The following SIRT5 variants were observed in gnomAD, a reference collection of about 807,000 sequenced individuals.
SIRT5 encodes the protein sirtuin 5.
A neutral mutation model predicts 40.0 loss-of-function variants in SIRT5; 26 were observed. The observed-to-expected ratio is 0.65, with a 90% confidence interval of 0.48 to 0.90. The LOEUF (loss-of-function observed/expected upper bound fraction) is 0.90, where lower values mean the gene tolerates loss of function less well. Among genes scored for constraint, SIRT5 ranks in the 40% least tolerant of loss-of-function variants. The probability of loss-of-function intolerance (pLI) is 0.00; values close to 1 mark genes in which losing one functional copy is unlikely to be tolerated. For missense variants in SIRT5, 401 were observed against 402.4 expected (o/e 1.00, Z 0.03); for synonymous variants, 146 against 149.1 (o/e 0.98, Z 0.15).
intron 5 of SIRT5, among the ~76,000 whole-genome samples, chr6:13,592,729 T>C (rs1761090996): frequency 6.6e-6 from 1 of 152,114 alleles, no homozygotes; most frequent in Non-Finnish European, 1.5e-5. Flanking sequence ...ACCCCTTCAC[T>C]CTTGTCTTCT....
chr6:13,608,223 T>C (rs1431366182), intron 9 of SIRT5, among the ~76,000 whole-genome samples: 2 of 152,258 alleles, frequency 1.3e-5, no homozygotes, highest in Non-Finnish European at 2.9e-5. Flanking sequence ...TTCTTTTCTC[T>C]TTGAACTTGT....
At chr6:13,575,851 G>C (rs1758559668) in intron 1 of SIRT5, among the ~76,000 whole-genome samples, 1 of 152,048 alleles carries the variant, frequency 6.6e-6, no homozygotes, top group Admixed American at 6.5e-5. Flanking sequence ...ATTCTACTCT[G>C]CTTCTATGAG....
rs1462793544 is a variant in SIRT5 at position 13,607,541 on chromosome 6, A to G, written c.858-4249A>G. On this transcript the variant is annotated intron_variant, in intron 9 of 9. Coordinates refer to ENST00000606117, the MANE Select transcript of SIRT5 (RefSeq NM_012241.5). This position sits in a 1 kb window ranked among gnomAD's most constrained non-coding sequence, Gnocchi z 4.0. Reference sequence around the variant, plus strand: ...TGCAGCAGGATGATTACATTAACCAATGCAAGTGGCGTGAGCAGATGTGCA... The same window carrying G: ...TGCAGCAGGATGATTACATTAACCAGTGCAAGTGGCGTGAGCAGATGTGCA... Among the ~76,000 whole-genome samples the G allele has an allele frequency of 6.6e-6, 1 of 152,168 alleles. No individual in the cohort carries two copies. Among genetic ancestry groups the G allele is most frequent in the African/African-American group, 2.4e-5 (1 of 41,456 alleles).
At chr6:13,577,997 G>A (rs1419701442) in intron 1 of SIRT5, among the ~76,000 whole-genome samples, 4 of 152,168 alleles carry the variant, frequency 2.6e-5, no homozygotes, top group Non-Finnish European at 5.9e-5. Flanking sequence ...TATACTTATT[G>A]AGAGTTTTTA....
At chr6:13,577,983 C>G (rs1398956228) in intron 1 of SIRT5, among the ~76,000 whole-genome samples, 1 of 152,058 alleles carries the variant, frequency 6.6e-6, no homozygotes, top group Non-Finnish European at 1.5e-5. Context: ...TGTCACAGTA[C>G]TTCTATACTT....
Position 13,595,468 on chromosome 6 carries a change from AT to A in SIRT5, c.476-4del, listed in dbSNP as rs1562272816. The stretch of plus-strand genomic sequence containing the variant: ...TAAATTCTGGATTTGCTTCATATGT[AT>A]TTTTCAGGTAGCTTATTTAAAACTC... On this transcript the variant is annotated splice_polypyrimidine_tract_variant and splice_region_variant and intron_variant, in intron 5 of 9. Transcript: ENST00000606117. 1 of 1,609,670 alleles carries A rather than the reference AT, an allele frequency of 6.2e-7. No individual in the cohort carries two copies. The highest frequency in any genetic ancestry group is 8.5e-7 in the Non-Finnish European group (1 of 1,176,014).
At chr6:13,583,072 G>A (rs1401214764) in intron 2 of SIRT5, among the ~76,000 whole-genome samples, 1 of 152,022 alleles carries the variant, frequency 6.6e-6, no homozygotes, top group Non-Finnish European at 1.5e-5. Context: ...CGGGCATGGT[G>A]GCGCGTGCCT....
chr6:13,576,103 C>G (rs1344458942), intron 1 of SIRT5, among the ~76,000 whole-genome samples: 1 of 152,150 alleles, frequency 6.6e-6, no homozygotes, highest in Non-Finnish European at 1.5e-5. Context: ...GTGAATAATG[C>G]TGAAAACAAC....
At chr6:13,587,528 TAA>T (rs1760239754) in intron 3 of SIRT5, among the ~76,000 whole-genome samples, 1 of 152,206 alleles carries the variant, frequency 6.6e-6, no homozygotes, top group Non-Finnish European at 1.5e-5. Flanking sequence ...GTGATCCACG[TAA>T]AGTGCTTGGC....
At chr6:13,582,479 C>T (rs1190781001) in intron 2 of SIRT5, among the ~76,000 whole-genome samples, 2 of 152,028 alleles carry the variant, frequency 1.3e-5, no homozygotes, top group Non-Finnish European at 2.9e-5. Flanking sequence ...GCTCTATACT[C>T]ATTATTTTTA....
intron 4 of SIRT5, chr6:13,589,467 A>G (rs1298300049): frequency 6.6e-6 from 1 of 152,236 alleles, no homozygotes; most frequent in Non-Finnish European, 1.5e-5. Context: ...TCCAGTTTCC[A>G]GAACTCTGGC....
chr6:13,599,628 A>G (rs980610894), intron 8 of SIRT5, among the ~76,000 whole-genome samples: 1 of 152,216 alleles, frequency 6.6e-6, no homozygotes, highest in African/African-American at 2.4e-5. Flanking sequence ...TTTGGGCCAC[A>G]TTGGGCCTGC....
chr6:13,592,553 G>A (rs1388660908), intron 5 of SIRT5, among the ~76,000 whole-genome samples: 2 of 150,594 alleles, frequency 1.3e-5, no homozygotes, highest in Admixed American at 1.3e-4. Flanking sequence ...CACCAAGCCT[G>A]TGATGTCGGT....
At chr6:13,605,790 T>C in intron 9 of SIRT5, 1 of 985,458 alleles carries the variant, frequency 1.0e-6, no homozygotes, top group Non-Finnish European at 1.2e-6. Context: ...GCTTGTAGGA[T>C]TTGTACATTC....
At chr6:13,589,919 G>T (rs371588261) in intron 4 of SIRT5, among the ~76,000 whole-genome samples, 12 of 152,170 alleles carry the variant, frequency 7.9e-5, no homozygotes, top group African/African-American at 2.2e-4. Context: ...TTCCAGGGAC[G>T]CCTGTGGACA....
At chr6:13,597,423 G>A (rs559121231) in intron 7 of SIRT5, among the ~76,000 whole-genome samples, 8 of 111,176 alleles carry the variant, frequency 7.2e-5, no homozygotes, top group African/African-American at 2.9e-4. Context: ...CAAACAGAAT[G>A]TTCATAGATT....
At chr6:13,602,205 A>G (rs565917741) in intron 9 of SIRT5, among the ~76,000 whole-genome samples, 2 of 152,370 alleles carry the variant, frequency 1.3e-5, no homozygotes, top group African/African-American at 4.8e-5. Context: ...AGTCCCTATC[A>G]AAATCACAAC....
intron 5 of SIRT5, among the ~76,000 whole-genome samples, chr6:13,594,776 C>T (rs906940130): frequency 2.0e-5 from 3 of 152,234 alleles, no homozygotes; most frequent in Non-Finnish European, 2.9e-5. Flanking sequence ...GTGCTCTGCA[C>T]GGCACCAGTT....
At chr6:13,611,201 G>A (rs1167159615) in intron 9 of SIRT5, among the ~76,000 whole-genome samples, 7 of 98,008 alleles carry the variant, frequency 7.1e-5, no homozygotes, top group Admixed American at 2.3e-4. Context: ...TTTTATGTGT[G>A]TGTGTGTATA....
Sources: allele counts gnomAD v4.1 joint callset (sites outside exome capture counted in the v4.1 genomes callset), GRCh38; gene constraint gnomAD v4.1.1; non-coding constraint Gnocchi (gnomAD v3.1); transcripts MANE v1.5; gene names NCBI Gene and HGNC (gene_info 2026-07-23, HGNC 2026-07-21).